Variants in VPS13C observed in about 807,000 individuals in gnomAD.
VPS13C encodes the protein vacuolar protein sorting 13 homolog C, also known as intermembrane lipid transfer protein VPS13C.
VPS13C carries 358 observed loss-of-function variants against 456.8 expected under a neutral mutation model. That is an observed-to-expected ratio of 0.78 (90% confidence interval 0.72 to 0.86). The LOEUF (loss-of-function observed/expected upper bound fraction) is 0.86. Ranked by LOEUF, VPS13C falls within the 40% of genes least tolerant of loss-of-function variation. The pLI, the probability that VPS13C is intolerant of heterozygous loss-of-function variation, is 0.00. For synonymous variants in VPS13C, 1,578 were observed against 1,486.7 expected, an observed-to-expected ratio of 1.06 and a Z score of -1.41; for missense variants, 4,818 against 4,385.4, an observed-to-expected ratio of 1.10 and a Z score of -2.79.
chr15:61,884,025 G>A, intron 68 of VPS13C, 103 bp downstream of exon 68: 1 of 1,056,946 alleles, frequency 9.5e-7, no homozygotes, highest in Non-Finnish European at 1.3e-6. Context: ...CAATAAATAA[G>A]TTCATTTCTG....
intron 1 of VPS13C, among the ~76,000 whole-genome samples, chr15:62,054,071 G>A (rs2048710617): frequency 6.6e-6 from 1 of 152,166 alleles, no homozygotes; most frequent in African/African-American, 2.4e-5. Flanking sequence ...ATTGACAAAG[G>A]TTCTACATTG....
At position 61,942,085 on chromosome 15, in the gene VPS13C, T is replaced by G; in HGVS notation, c.5149-18A>C. On this transcript the variant is annotated intron_variant, in intron 45 of 84. Coordinates refer to ENST00000644861, the MANE Select transcript of VPS13C (RefSeq NM_020821.3). ...AGGAAGTTCTGTTGGAAGAGACAGA[T>G]ATTTAGGGGAAAAAAGGCATTTATT... is the stretch of plus-strand genomic sequence containing the variant. The G allele has an allele frequency of 6.6e-7, 1 of 1,525,424 alleles. No individual in the cohort carries two copies. Among genetic ancestry groups the G allele is most frequent in the Non-Finnish European group, 8.8e-7 (1 of 1,135,356 alleles). The allele number at this position is 1,525,424 out of a possible 1,614,324, so 94.5% of individuals were successfully genotyped here. A position where few individuals can be genotyped will look rare whatever the true frequency, so the allele number is the denominator to read the frequency against.
chr15:61,917,617 C>A lies in VPS13C; in HGVS notation c.7779G>T (p.Gln2593His). The A allele has an allele frequency of 6.2e-7, 1 of 1,610,834 alleles. No individual in the cohort carries two copies. The highest frequency in any genetic ancestry group is 8.5e-7 in the Non-Finnish European group (1 of 1,177,352). ...ACTGATGCTCTAAGATTCCAGCTGG[C>A]TGGATAAACAATTGACATCTGCAGA... ...LDSYRCQLFIQPAGILEHQYK... is the reference protein window; with the variant it reads ...LDSYRCQLFIHPAGILEHQYK... Residue 2593 changes from glutamine (Q) to histidine (H), a missense_variant, in exon 60 of 85, where the codon CAG (glutamine) becomes CAT (histidine). This residue lies in a region of VPS13C where 4,552 missense variants were observed against 4,130.6 expected (regional missense o/e 1.10). Coordinates refer to ENST00000644861, the MANE Select transcript of VPS13C (RefSeq NM_020821.3).
At chr15:61,969,230 A>G (rs2045471954) in intron 28 of VPS13C, 69 bp downstream of exon 28, 1 of 1,103,898 alleles carries the variant, frequency 9.1e-7, no homozygotes, top group African/African-American at 1.6e-5. Context: ...AATATAAATG[A>G]AAGTGTTTCA....
chr15:61,949,640 G>C lies in VPS13C; in HGVS notation c.4597-35C>G, dbSNP rs374426413. 302 of 1,572,378 alleles carry C rather than the reference G, an allele frequency of 1.9e-4. 1 individual carries two copies. Among genetic ancestry groups the C allele is most frequent in the South Asian group, 1.3e-3 (113 of 83,838 alleles). ...TGAACAATTAAAGAGGCAGATTTCAGATGCAGTAAAATCTTTACATCAGGG... is the reference window on the plus strand; with the variant it reads ...TGAACAATTAAAGAGGCAGATTTCACATGCAGTAAAATCTTTACATCAGGG... On this transcript the variant is annotated intron_variant, in intron 41 of 84. Coordinates refer to ENST00000644861, the MANE Select transcript of VPS13C (RefSeq NM_020821.3).
At chr15:62,031,002 C>T (rs1421594003) in intron 5 of VPS13C, among the ~76,000 whole-genome samples, 3 of 152,028 alleles carry the variant, frequency 2.0e-5, no homozygotes, top group Non-Finnish European at 4.4e-5. Context: ...TTTGGCCTTA[C>T]TAGGAATTTA....
At chr15:61,988,236 T>G (rs889545236) in intron 18 of VPS13C, among the ~76,000 whole-genome samples, 2 of 152,204 alleles carry the variant, frequency 1.3e-5, no homozygotes, top group African/African-American at 4.8e-5. Flanking sequence ...AGGGAACTTT[T>G]TGGAAGGATG....
chr15:61,922,905 T>A, intron 53 of VPS13C, 143 bp from the exon 54 acceptor site: 1 of 723,192 alleles, frequency 1.4e-6, no homozygotes, highest in Non-Finnish European at 1.9e-6. Context: ...GTAACTAATT[T>A]AAATTTTGAA....
At chr15:61,855,000 G>GA (rs201233802) in intron 83 of VPS13C, 46 bp from the exon 84 acceptor site, 14 of 1,519,844 alleles carry the variant, frequency 9.2e-6, no homozygotes, top group South Asian at 6.2e-5. Flanking sequence ...TTCTGAGGAA[G>GA]AAAAAAATTC....
chr15:62,023,325 G>T (rs1374398300), intron 8 of VPS13C, 86 bp downstream of exon 8: 2 of 773,868 alleles, frequency 2.6e-6, no homozygotes, highest in East Asian at 6.3e-5. Context: ...ATTTAAAAAT[G>T]GGCACAGATA....
intron 16 of VPS13C, among the ~76,000 whole-genome samples, chr15:61,993,942 C>G (rs1323261321): frequency 6.6e-6 from 1 of 151,514 alleles, no homozygotes; most frequent in Non-Finnish European, 1.5e-5. Context: ...TATTGTAAAC[C>G]TATAGTTATT....
chr15:61,901,721 A>G (rs1036876964), intron 66 of VPS13C, among the ~76,000 whole-genome samples: 5 of 152,026 alleles, frequency 3.3e-5, no homozygotes, highest in African/African-American at 1.2e-4. Context: ...TCAGGGATCT[A>G]GAACTAGAAA....
intron 1 of VPS13C, among the ~76,000 whole-genome samples, chr15:62,050,686 C>T (rs1409015623): frequency 2.0e-5 from 3 of 151,748 alleles, no homozygotes; most frequent in East Asian, 3.9e-4. Context: ...CCTGTCATCT[C>T]AGATACTCAG....
intron 1 of VPS13C, among the ~76,000 whole-genome samples, chr15:62,053,675 G>C (rs1225431842): frequency 6.6e-6 from 1 of 152,172 alleles, no homozygotes; most frequent in Non-Finnish European, 1.5e-5. Flanking sequence ...TCACTTGTCA[G>C]AGACATGCCA....
intron 15 of VPS13C, among the ~76,000 whole-genome samples, chr15:62,000,848 T>C (rs907016109): frequency 6.6e-6 from 1 of 152,142 alleles, no homozygotes; most frequent in African/African-American, 2.4e-5. Context: ...AAATATAGTA[T>C]GAAAATAATT....
rs753705462 is a variant in VPS13C at position 61,961,577 on chromosome 15, G to C, written c.3908+12C>G. On this transcript the variant is annotated intron_variant, in intron 35 of 84. Coordinates refer to ENST00000644861, the MANE Select transcript of VPS13C (RefSeq NM_020821.3). ...TATAATATTTAAATCCATAATTATT[G>C]AAAGAGCATACCTATAAAGTGTAAG... 1 of 1,523,356 alleles carries C rather than the reference G, an allele frequency of 6.6e-7. No homozygotes were observed. The highest frequency in any genetic ancestry group is 2.3e-5 in the East Asian group (1 of 43,456). The allele number at this position is 1,523,356 out of a possible 1,614,324, so 94.4% of individuals were successfully genotyped here. A position where few individuals can be genotyped will look rare whatever the true frequency, so the allele number is the denominator to read the frequency against.
chr15:62,058,459 G>T (rs2048873876), intron 1 of VPS13C, among the ~76,000 whole-genome samples: 1 of 150,224 alleles, frequency 6.7e-6, no homozygotes, highest in African/African-American at 2.5e-5. Flanking sequence ...TATTTCGGGG[G>T]GAAAAAATAA....
At chr15:61,907,977 T>A (rs1011334952) in intron 65 of VPS13C, among the ~76,000 whole-genome samples, 1 of 152,072 alleles carries the variant, frequency 6.6e-6, no homozygotes, top group African/African-American at 2.4e-5. Context: ...AACAAAAAAA[T>A]TATGTTCACA....
chr15:62,008,336 G>T (rs1395764884), intron 14 of VPS13C, among the ~76,000 whole-genome samples: 1 of 151,944 alleles, frequency 6.6e-6, no homozygotes, highest in African/African-American at 2.4e-5. Context: ...GGAGGCACAA[G>T]TTGCAGTGAG....
Sources: allele counts gnomAD v4.1 joint callset (sites outside exome capture counted in the v4.1 genomes callset), GRCh38; gene constraint gnomAD v4.1.1; regional missense constraint gnomAD v4.1.1; transcripts MANE v1.5; gene names NCBI Gene and HGNC (gene_info 2026-07-23, HGNC 2026-07-21).